Variants in ATP2B1 observed in about 807,000 individuals in gnomAD.
The protein encoded by ATP2B1 is ATPase plasma membrane Ca2+ transporting 1, also known as plasma membrane calcium-transporting ATPase 1.
ATP2B1 carries 14 observed loss-of-function variants against 124.2 expected under a neutral mutation model. That is an observed-to-expected ratio of 0.11 (90% CI 0.07 to 0.18). The LOEUF (loss-of-function observed/expected upper bound fraction) is 0.18, where lower values mean the gene tolerates loss of function less well. ATP2B1 is among the 10% of genes least tolerant of loss of function. The probability of loss-of-function intolerance (pLI) is 1.00; values close to 1 mark genes in which losing one functional copy is unlikely to be tolerated. For synonymous variants in ATP2B1, 449 were observed against 492.4 expected (o/e 0.91, Z 1.17); for missense variants, 763 against 1,466.1 (o/e 0.52, Z 7.83).
chr12:89,679,052 G>A (rs1229440919), intron 1 of ATP2B1, among the ~76,000 whole-genome samples: 1 of 151,228 alleles, frequency 6.6e-6, no homozygotes, highest in Non-Finnish European at 1.5e-5. Context: ...GCTACTTAAG[G>A]CATTAAAAAA....
chr12:89,658,923 T>C (rs1164351629), intron 1 of ATP2B1, among the ~76,000 whole-genome samples: 5 of 152,224 alleles, frequency 3.3e-5, no homozygotes, highest in Non-Finnish European at 7.3e-5. Flanking sequence ...GTGGACCTAT[T>C]TGAATTACCA....
intron 1 of ATP2B1, among the ~76,000 whole-genome samples, chr12:89,674,597 TGGTA>T (rs1888395222): frequency 2.6e-5 from 4 of 152,236 alleles, no homozygotes; most frequent in South Asian, 4.1e-4. Context: ...TTAATGATGA[TGGTA>T]ACAATAGCTA....
chr12:89,654,897 C>T (rs982370586), intron 2 of ATP2B1, among the ~76,000 whole-genome samples: 1 of 152,020 alleles, frequency 6.6e-6, no homozygotes, highest in African/African-American at 2.4e-5. Flanking sequence ...CATATGTGTC[C>T]CTTCCCATCC....
rs1565798019 is a variant in ATP2B1, at chr12:89,598,538, G to A, written c.3351+579C>T. ...ATTAAGGAGAAAATGAGAAACGTTA[G>A]GTGTGTGAAGTAGGAAATGTTAATT... On this transcript the variant is annotated intron_variant, in intron 20 of 20. Coordinates refer to ENST00000428670, the MANE Select transcript of ATP2B1 (RefSeq NM_001366521.1). The A allele has an allele frequency of 7.8e-6, 12 of 1,537,984 alleles. No individual in the cohort carries two copies. The East Asian group carries it at 2.7e-4, about 35-fold the overall frequency.
At chr12:89,639,981 TG>T (rs968414393) in intron 3 of ATP2B1, among the ~76,000 whole-genome samples, 1 of 152,148 alleles carries the variant, frequency 6.6e-6, no homozygotes, top group African/African-American at 2.4e-5. Context: ...GCTAGACAGG[TG>T]GAAAACTGAC....
chr12:89,647,889 T>TCTCTCA (rs1164310671), intron 2 of ATP2B1, among the ~76,000 whole-genome samples: 1 of 152,050 alleles, frequency 6.6e-6, no homozygotes, highest in African/African-American at 2.4e-5. Context: ...AACTCCTCCT[T>TCTCTCA]CTCTCACTCT....
intron 1 of ATP2B1, among the ~76,000 whole-genome samples, chr12:89,684,363 G>C (rs983618738): frequency 6.6e-6 from 1 of 152,158 alleles, no homozygotes; most frequent in African/African-American, 2.4e-5. Flanking sequence ...GCTAACGCTG[G>C]GAGCTACCAT....
At chr12:89,642,115 T>G (rs751157600) in intron 3 of ATP2B1, 43 bp downstream of exon 3, 5 of 1,541,446 alleles carry the variant, frequency 3.2e-6, no homozygotes, top group Non-Finnish European at 3.6e-6. Flanking sequence ...ATGAATTAGC[T>G]GAACTAGCAT....
intron 2 of ATP2B1, among the ~76,000 whole-genome samples, chr12:89,644,260 CA>C (rs1391136528): frequency 6.6e-6 from 1 of 152,104 alleles, no homozygotes; most frequent in African/African-American, 2.4e-5. Flanking sequence ...AAGAGAACAT[CA>C]AAGGAGGAAG....
intron 10 of ATP2B1, among the ~76,000 whole-genome samples, chr12:89,620,454 T>G (rs1282980792): frequency 6.6e-6 from 1 of 152,202 alleles, no homozygotes. Context: ...ACTAGCTACG[T>G]GAAATTTGAC....
intron 6 of ATP2B1, 68 bp from the exon 7 acceptor site, chr12:89,627,784 A>G: frequency 2.0e-6 from 3 of 1,495,172 alleles, no homozygotes; most frequent in South Asian, 1.1e-5. Context: ...AATTATGCAG[A>G]AGTAGTTCAC....
chr12:89,701,449 AT>A (rs958903284), intron 1 of ATP2B1, among the ~76,000 whole-genome samples: 4 of 151,854 alleles, frequency 2.6e-5, no homozygotes, highest in South Asian at 2.1e-4. Context: ...TTCAGGTACT[AT>A]TTTTTTTGGC....
intron 9 of ATP2B1, among the ~76,000 whole-genome samples, chr12:89,622,321 G>C (rs192349620): frequency 1.5e-4 from 23 of 151,730 alleles, no homozygotes; most frequent in Admixed American, 1.5e-3. Context: ...TATTAACTCT[G>C]ATAGAGTTAA....
At position 89,620,240 on chromosome 12, in the gene ATP2B1, G is replaced by C; in HGVS notation, c.1588C>G (p.Pro530Ala). The C allele has an allele frequency of 6.2e-7, 1 of 1,612,900 alleles. No homozygotes were observed. ...GGTAATCCACCCTCTTTCTCTGGTG[G>C]CTATAAGAGAAAAACATTTAGTAGC... ...VNCAYTSKIL[P>A]PEKEGGLPRH... Residue 530 changes from proline (P) to alanine (A), a missense_variant and splice_region_variant, in exon 11 of 21, where the codon CCA becomes GCA. By Grantham distance (27) the Pro-to-Ala change is conservative (BLOSUM62 -1). Around this residue, in one of 7 missense-constraint regions of ATP2B1, gnomAD observed 392 missense variants for 776.6 expected, o/e 0.50. Coordinates refer to ENST00000428670, the MANE Select transcript of ATP2B1 (RefSeq NM_001366521.1).
chr12:89,647,199 C>G (rs2136287187), intron 2 of ATP2B1, among the ~76,000 whole-genome samples: 1 of 152,316 alleles, frequency 6.6e-6, no homozygotes, highest in African/African-American at 2.4e-5. Context: ...AGTGTAGTGG[C>G]AATGAGGCCA....
chr12:89,598,077 A>G (rs931202279), intron 20 of ATP2B1, among the ~76,000 whole-genome samples: 3 of 145,294 alleles, frequency 2.1e-5, no homozygotes, highest in African/African-American at 7.5e-5. Flanking sequence ...AAGCAAGGCA[A>G]AGTTCAGGTT....
chr12:89,659,431 A>G (rs924383781), intron 1 of ATP2B1, among the ~76,000 whole-genome samples: 25 of 152,162 alleles, frequency 1.6e-4, no homozygotes, highest in African/African-American at 5.3e-4. Context: ...AAAAGGTTAC[A>G]GTATTCAAAA....
chr12:89,588,673 C>T lies in ATP2B1; in HGVS notation c.*2311G>A, dbSNP rs946123083. On this transcript the variant is annotated 3_prime_UTR_variant, in exon 21 of 21. Coordinates refer to ENST00000428670, the MANE Select transcript of ATP2B1 (RefSeq NM_001366521.1). ...TACTACTTCATAGATGTCATAAGACCCGTTTATGGATTAGAGTTGGTGTAG... is the reference window on the plus strand; with the variant it reads ...TACTACTTCATAGATGTCATAAGACTCGTTTATGGATTAGAGTTGGTGTAG... 2.0e-5 allele frequency: 3 copies of T among 152,418 alleles called. No individual in the cohort carries two copies. Among genetic ancestry groups the T allele is most frequent in the African/African-American group, 7.2e-5 (3 of 41,386 alleles). The allele number at this position is 152,418 out of a possible 1,614,324, so 9.4% of individuals were successfully genotyped here.
intron 11 of ATP2B1, among the ~76,000 whole-genome samples, chr12:89,617,875 TG>T (rs1275905120): frequency 3.9e-5 from 6 of 152,228 alleles, no homozygotes; most frequent in African/African-American, 1.4e-4. Flanking sequence ...ATCATTTTGA[TG>T]TAAGTCTAAA....
Sources: gnomAD v4.1 joint callset for allele counts (sites outside exome capture counted in the v4.1 genomes callset) on GRCh38, gnomAD v4.1.1 for gene constraint, gnomAD v4.1.1 regional missense constraint, MANE v1.5 for transcripts, NCBI Gene and HGNC (gene_info 2026-07-23, HGNC 2026-07-21) for gene names.